LDLRAD3: variants seen among roughly 807,000 people sequenced by gnomAD.
LDLRAD3 encodes the protein low-density lipoprotein receptor class A domain-containing protein 3.
In LDLRAD3, 20 loss-of-function variants were observed where a neutral mutation model predicts 29.4. The observed-to-expected ratio is 0.68, with a 90% CI of 0.48 to 0.99. The LOEUF is 0.99. Among genes scored for constraint, LDLRAD3 ranks in the 50% least tolerant of loss-of-function variants. The pLI, the probability that LDLRAD3 is intolerant of heterozygous loss-of-function variation, is 0.00. For missense variants in LDLRAD3, 420 were observed against 454.3 expected (o/e 0.92, Z 0.69); for synonymous variants, 157 against 192.7 (o/e 0.81, Z 1.53).
At chr11:36,153,694 G>C (rs1044361954) in intron 4 of LDLRAD3, among the ~76,000 whole-genome samples, 1 of 151,994 alleles carries the variant, frequency 6.6e-6, no homozygotes, top group African/African-American at 2.4e-5. Flanking sequence ...GCTCTCTTTT[G>C]GCCTTATTTT....
intron 4 of LDLRAD3, among the ~76,000 whole-genome samples, chr11:36,182,775 T>G (rs12785670): frequency 0.039 from 5,983 of 152,270 alleles, 386 homozygotes; most frequent in African/African-American, 0.13. Flanking sequence ...AAGACCATGA[T>G]GACAAACCAC....
chr11:36,035,718 T>C (rs1054980602), intron 1 of LDLRAD3, among the ~76,000 whole-genome samples: 2 of 152,222 alleles, frequency 1.3e-5, no homozygotes, highest in African/African-American at 4.8e-5. Context: ...GATCTTGCAG[T>C]TCCTAATGTT....
intron 4 of LDLRAD3, among the ~76,000 whole-genome samples, chr11:36,180,869 G>A (rs1854752096): frequency 6.6e-6 from 1 of 152,158 alleles, no homozygotes; most frequent in Non-Finnish European, 1.5e-5. Context: ...AATTGCTTGT[G>A]GATTTGATGT....
intron 1 of LDLRAD3, among the ~76,000 whole-genome samples, chr11:35,995,176 T>C (rs144353007): frequency 2.6e-5 from 4 of 152,372 alleles, no homozygotes; most frequent in East Asian, 1.9e-4. Flanking sequence ...ATGGCAGATA[T>C]AGCCTTAAAA....
chr11:36,168,259 G>C (rs969393047), intron 4 of LDLRAD3, among the ~76,000 whole-genome samples: 1 of 152,120 alleles, frequency 6.6e-6, no homozygotes. Flanking sequence ...TAGCCTAAAT[G>C]CTGTCCAGAT....
intron 3 of LDLRAD3, among the ~76,000 whole-genome samples, chr11:36,087,041 CAG>C (rs959496204): frequency 2.6e-5 from 4 of 151,952 alleles, no homozygotes; most frequent in African/African-American, 9.7e-5. Context: ...AATTCAGGGA[CAG>C]GGGAATATGT....
rs548899807 is a variant in LDLRAD3 at position 35,986,967 on chromosome 11, G to C, written c.46+42823G>C. Reference sequence around the variant, plus strand: ...GCTGTATCTCTAGATCTCTCACACCGGGCTGTCTGCCTCACACTTTTCTCA... The same window carrying C: ...GCTGTATCTCTAGATCTCTCACACCCGGCTGTCTGCCTCACACTTTTCTCA... On this transcript the variant is annotated intron_variant, in intron 1 of 5. Transcript: ENST00000315571. 2.0e-5 allele frequency among the ~76,000 whole-genome samples: 3 copies of C among 152,300 alleles called. No homozygotes were observed. In the South Asian group the frequency reaches 6.2e-4, roughly 32 times the overall value.
At position 36,141,333 on chromosome 11, in the gene LDLRAD3, G is replaced by T. The variant is rs981139009; in HGVS notation, c.454+42872G>T. ...TCTCCATACCTTGAAGTTCATGTTC[G>T]TTTGTTTTGTAAAAACTCCCCAGAG... On this transcript the variant is annotated intron_variant, in intron 4 of 5. Coordinates refer to ENST00000315571, the MANE Select transcript of LDLRAD3 (RefSeq NM_174902.4). Among the ~76,000 whole-genome samples the T allele has an allele frequency of 7.9e-5, 12 of 152,238 alleles. No homozygotes were observed. In the East Asian group the frequency reaches 2.3e-3, roughly 29 times the overall value.
intron 1 of LDLRAD3, among the ~76,000 whole-genome samples, chr11:35,966,215 A>G (rs12282006): frequency 0.016 from 2,383 of 152,306 alleles, 67 homozygotes; most frequent in African/African-American, 0.054. Context: ...ATCAGAGGTC[A>G]GGAGTTTGAG....
chr11:36,068,489 G>A (rs898894658), intron 2 of LDLRAD3, among the ~76,000 whole-genome samples: 2 of 152,120 alleles, frequency 1.3e-5, no homozygotes, highest in Non-Finnish European at 2.9e-5. Flanking sequence ...CAGTGATTAC[G>A]TGGTGGAACT....
intron 4 of LDLRAD3, among the ~76,000 whole-genome samples, chr11:36,105,858 C>A (rs1278698492): frequency 1.3e-5 from 2 of 152,140 alleles, no homozygotes; most frequent in Admixed American, 6.5e-5. Context: ...GTTGCAGCAG[C>A]CGTAGCCAAC....
intron 1 of LDLRAD3, among the ~76,000 whole-genome samples, chr11:36,009,843 C>T (rs113556935): frequency 0.026 from 3,904 of 152,206 alleles, 175 homozygotes; most frequent in African/African-American, 0.089. Context: ...ATTTTTCTTA[C>T]GAAGAAGTTT....
intron 2 of LDLRAD3, among the ~76,000 whole-genome samples, chr11:36,061,651 T>C (rs1413125912): frequency 6.6e-6 from 1 of 152,154 alleles, no homozygotes; most frequent in Non-Finnish European, 1.5e-5. Context: ...CTATAATAAA[T>C]TGGTTTTTGA....
At chr11:36,101,010 T>C (rs1315729170) in intron 4 of LDLRAD3, among the ~76,000 whole-genome samples, 2 of 152,208 alleles carry the variant, frequency 1.3e-5, no homozygotes, top group Admixed American at 6.5e-5. Flanking sequence ...CCCATAAATA[T>C]GAGGTTTATG....
chr11:36,062,985 A>G (rs1852728412), intron 2 of LDLRAD3, among the ~76,000 whole-genome samples: 1 of 152,222 alleles, frequency 6.6e-6, no homozygotes, highest in African/African-American at 2.4e-5. Flanking sequence ...GGAAAGGGCA[A>G]GGAAACGATT....
In LDLRAD3 at chr11:35,960,658, G is replaced by T. The variant is rs536348894; in HGVS notation, c.46+16514G>T. Among the ~76,000 whole-genome samples, 19 of 152,234 alleles carry T rather than the reference G, an allele frequency of 1.2e-4. No individual in the cohort carries two copies. In the South Asian group the frequency reaches 3.5e-3, roughly 28 times the overall value. ...GTCGCCCAGGCTGGAGTGCAGTGGCGCGATCTCGGCTCACTGCAACCCCCC... is the reference window on the plus strand; with the variant it reads ...GTCGCCCAGGCTGGAGTGCAGTGGCTCGATCTCGGCTCACTGCAACCCCCC... On this transcript the variant is annotated intron_variant, in intron 1 of 5. Coordinates refer to ENST00000315571, the MANE Select transcript of LDLRAD3 (RefSeq NM_174902.4).
At chr11:36,139,202 A>G (rs1340933229) in intron 4 of LDLRAD3, among the ~76,000 whole-genome samples, 1 of 152,224 alleles carries the variant, frequency 6.6e-6, no homozygotes, top group African/African-American at 2.4e-5. Flanking sequence ...AGATACTAGT[A>G]GCACCCTGGT....
Position 35,944,189 on chromosome 11 carries a change from G to A in LDLRAD3, c.46+45G>A. The A allele has an allele frequency of 2.1e-6, 2 of 973,266 alleles. No homozygotes were observed. The highest frequency in any genetic ancestry group is 3.5e-5 in the African/African-American group (2 of 56,640). The allele number at this position is 973,266 out of a possible 1,614,324, so 60.3% of individuals were successfully genotyped here. On this transcript the variant is annotated intron_variant, in intron 1 of 5. Coordinates refer to ENST00000315571, the MANE Select transcript of LDLRAD3 (RefSeq NM_174902.4). The surrounding 1 kb of genome is among the most constrained non-coding windows in gnomAD (Gnocchi z 4.9). ...GCGAACTTCCCGCGGGGCGCGGGGCGCGGGGCGCGGGGCGCAGCGGCCGGG... is the reference window on the plus strand; with the variant it reads ...GCGAACTTCCCGCGGGGCGCGGGGCACGGGGCGCGGGGCGCAGCGGCCGGG...
Position 36,229,484 on chromosome 11 carries a change from G to A in LDLRAD3, c.*87G>A. 2 of 935,430 alleles carry A rather than the reference G, an allele frequency of 2.1e-6. No individual in the cohort carries two copies. The highest frequency in any genetic ancestry group is 3.3e-6 in the Non-Finnish European group (2 of 597,028). The allele number at this position is 935,430 out of a possible 1,614,324, so 57.9% of individuals were successfully genotyped here. The stretch of plus-strand genomic sequence containing the variant: ...TTTGTGCTCATGGGAAGCTCTTTAA[G>A]CACCTGTAAGGGTGTCTCAAGTTAC... On this transcript the variant is annotated 3_prime_UTR_variant, in exon 6 of 6. Transcript: ENST00000315571.
Sources: allele counts gnomAD v4.1 joint callset (sites outside exome capture counted in the v4.1 genomes callset), GRCh38; gene constraint gnomAD v4.1.1; non-coding constraint Gnocchi (gnomAD v3.1); transcripts MANE v1.5; gene names NCBI Gene and HGNC (gene_info 2026-07-23, HGNC 2026-07-21).